The following DLC1 variants were observed in gnomAD, a reference collection of about 807,000 sequenced individuals.
DLC1 encodes the protein rho GTPase-activating protein 7.
A neutral mutation model predicts 140.3 loss-of-function variants in DLC1; 54 were observed. That is an observed-to-expected ratio of 0.38 (90% CI 0.31 to 0.48). The LOEUF (loss-of-function observed/expected upper bound fraction) is 0.48, where lower values mean the gene tolerates loss of function less well. Ranked by LOEUF, DLC1 falls within the 20% of genes least tolerant of loss-of-function variation. The pLI is 0.96. For missense variants in DLC1, 2,536 were observed against 1,907.0 expected, an observed-to-expected ratio of 1.33 and a Z score of -6.14; for synonymous variants, 986 against 728.1, an observed-to-expected ratio of 1.35 and a Z score of -5.70.
At chr8:13,351,488 G>A (rs1442879927) in intron 4 of DLC1, among the ~76,000 whole-genome samples, 2 of 152,014 alleles carry the variant, frequency 1.3e-5, no homozygotes, top group African/African-American at 4.8e-5. Context: ...TATATCTTGT[G>A]AACTACATTT....
At chr8:13,514,056 CT>C (rs1171999948) in intron 1 of DLC1, among the ~76,000 whole-genome samples, 1 of 151,156 alleles carries the variant, frequency 6.6e-6, no homozygotes, top group Non-Finnish European at 1.5e-5. Flanking sequence ...TTAAATGAAC[CT>C]TTTAAGCTGT....
chr8:13,200,505 A>C (rs774391039), intron 5 of DLC1, among the ~76,000 whole-genome samples: 6 of 152,218 alleles, frequency 3.9e-5, no homozygotes, highest in Non-Finnish European at 7.3e-5. Flanking sequence ...ATTCTTAATA[A>C]AAGTAGACTT....
chr8:13,242,255 G>A (rs749279122), intron 5 of DLC1, among the ~76,000 whole-genome samples: 39 of 152,060 alleles, frequency 2.6e-4, no homozygotes, highest in Non-Finnish European at 4.1e-4. Context: ...ATTTCTTGTG[G>A]TAATGAAGGT....
rs535157722 is a variant in DLC1, at chr8:13,462,193, C to T, written c.1023+36856G>A. ...AAATATATTTTCAACTTATTTTGTACAAATTCTATCCAAACTCATTCAAGA... is the reference window on the plus strand; with the variant it reads ...AAATATATTTTCAACTTATTTTGTATAAATTCTATCCAAACTCATTCAAGA... On this transcript the variant is annotated intron_variant, in intron 2 of 17. Coordinates refer to ENST00000276297, the MANE Select transcript of DLC1 (RefSeq NM_182643.3). Among the ~76,000 whole-genome samples the T allele has an allele frequency of 6.6e-5, 10 of 152,182 alleles. No individual in the cohort carries two copies. In the South Asian group the frequency reaches 2.1e-3, roughly 32 times the overall value.
intron 5 of DLC1, among the ~76,000 whole-genome samples, chr8:13,229,501 A>G (rs1239226816): frequency 1.8e-4 from 28 of 152,146 alleles, no homozygotes; most frequent in Admixed American, 1.8e-3. Flanking sequence ...AAGGTGATGA[A>G]AATGTCCTAA....
chr8:13,090,528 C>T (rs909283434), intron 14 of DLC1, 58 bp from the exon 15 acceptor site: 2 of 1,582,620 alleles, frequency 1.3e-6, no homozygotes, highest in Non-Finnish European at 8.6e-7. Context: ...AATCTCAATG[C>T]CCATCAGTGG....
intron 4 of DLC1, among the ~76,000 whole-genome samples, chr8:13,384,160 A>G (rs183549381): frequency 7.2e-5 from 11 of 152,336 alleles, no homozygotes; most frequent in African/African-American, 2.6e-4. Flanking sequence ...AGCAGGCAAG[A>G]GATTAATATC....
chr8:13,579,099 C>T (rs1804950021), intron 1 of DLC1, among the ~76,000 whole-genome samples: 1 of 150,730 alleles, frequency 6.6e-6, no homozygotes, highest in Admixed American at 6.6e-5. Context: ...AGCTCTGTGC[C>T]AGACTCTCCT....
At chr8:13,422,549 A>G (rs1343513591) in intron 2 of DLC1, among the ~76,000 whole-genome samples, 1 of 152,190 alleles carries the variant, frequency 6.6e-6, no homozygotes, top group Non-Finnish European at 1.5e-5. Context: ...TTTACTGCAT[A>G]CATTAGGTGA....
In DLC1 at chr8:13,086,470, A is replaced by C; in HGVS notation, c.4293-7T>G. The C allele has an allele frequency of 6.2e-7, 1 of 1,604,554 alleles. No individual in the cohort carries two copies. Among genetic ancestry groups the C allele is most frequent in the Non-Finnish European group, 8.5e-7 (1 of 1,176,300 alleles). On this transcript the variant is annotated splice_region_variant and splice_polypyrimidine_tract_variant and intron_variant, in intron 16 of 17. Coordinates refer to ENST00000276297, the MANE Select transcript of DLC1 (RefSeq NM_182643.3). ...TAAATTAGTCCTCCAGGTTCTGTAG[A>C]GACAAAACCAGAGGCAGAAATGATG...
At chr8:13,115,477 TA>T in intron 6 of DLC1, 108 bp downstream of exon 6, 1 of 1,021,624 alleles carries the variant, frequency 9.8e-7, no homozygotes, top group Non-Finnish European at 1.4e-6. Flanking sequence ...TTTTTAAAAA[TA>T]AAACATTTAA....
At chr8:13,327,320 C>T (rs1306796391) in intron 4 of DLC1, among the ~76,000 whole-genome samples, 2 of 151,838 alleles carry the variant, frequency 1.3e-5, no homozygotes, top group East Asian at 1.9e-4. Flanking sequence ...AGAGTGATGC[C>T]CCAAATGGGA....
chr8:13,131,427 AC>A (rs1822068040), intron 5 of DLC1, among the ~76,000 whole-genome samples: 1 of 152,202 alleles, frequency 6.6e-6, no homozygotes, highest in African/African-American at 2.4e-5. Context: ...CATCAATGCC[AC>A]CAGCCTAGGC....
At chr8:13,306,558 T>TTGTGTGTGTGTGTG in intron 4 of DLC1, among the ~76,000 whole-genome samples, 1 of 142,948 alleles carries the variant, frequency 7.0e-6, no homozygotes, top group Non-Finnish European at 1.5e-5. Flanking sequence ...GTGTGTGTGT[T>TTGTGTGTGTGTGTG]TGTGTGTGTG....
chr8:13,184,196 T>A (rs1005982797), intron 5 of DLC1, among the ~76,000 whole-genome samples: 1 of 152,204 alleles, frequency 6.6e-6, no homozygotes, highest in Non-Finnish European at 1.5e-5. Context: ...TCTATTTGAT[T>A]CTTCTCTCTT....
At position 13,091,352 on chromosome 8, in the gene DLC1, G is replaced by C. The variant is rs769211247; in HGVS notation, c.3821C>G (p.Ala1274Gly). ...CTTCTTGCACTCGGCGATCATATGG[G>C]CCAGCCCTTGAGTGGCAGCTAGGTT... ...NENLAATQGL[A>G]HMIAECKKLF... The change falls in exon 14 of 18, where the codon GCC becomes GGC. Residue 1274 changes from alanine (A) to glycine (G), a missense_variant. Coordinates refer to ENST00000276297, the MANE Select transcript of DLC1 (RefSeq NM_182643.3). The C allele has an allele frequency of 6.2e-7, 1 of 1,614,076 alleles. No homozygotes were observed.
In DLC1 at chr8:13,283,475, G is replaced by T. The variant is rs1490048090; in HGVS notation, c.1348+21794C>A. ...TGGGCAATTTTGGGGCCACAGAATA[G>T]AGAGAGGAAAACCAAATATAACCTG... is the stretch of plus-strand genomic sequence containing the variant. On this transcript the variant is annotated intron_variant, in intron 5 of 17. Transcript: ENST00000276297. Among the ~76,000 whole-genome samples the T allele has an allele frequency of 7.2e-5, 11 of 152,182 alleles. No individual in the cohort carries two copies. In the East Asian group the frequency reaches 2.1e-3, roughly 29 times the overall value.
intron 1 of DLC1, among the ~76,000 whole-genome samples, chr8:13,589,904 A>G (rs1235181188): frequency 1.3e-5 from 2 of 151,926 alleles, no homozygotes; most frequent in Non-Finnish European, 2.9e-5. Context: ...AAAAAGGCAA[A>G]GAAACTGCAC....
At chr8:13,176,423 CA>C (rs1825762601) in intron 5 of DLC1, among the ~76,000 whole-genome samples, 2 of 152,040 alleles carry the variant, frequency 1.3e-5, no homozygotes, top group South Asian at 2.1e-4. Flanking sequence ...TTAAAAAATA[CA>C]AAAGATTAGC....
Sources: gnomAD v4.1 joint callset for allele counts (sites outside exome capture counted in the v4.1 genomes callset) on GRCh38, gnomAD v4.1.1 for gene constraint, MANE v1.5 for transcripts, NCBI Gene and HGNC (gene_info 2026-07-23, HGNC 2026-07-21) for gene names.